ZPBP: variants seen among roughly 807,000 people sequenced by gnomAD.
The protein encoded by ZPBP is zona pellucida-binding protein 1.
In ZPBP, 26 loss-of-function variants were observed where a neutral mutation model predicts 44.8. The observed-to-expected ratio is 0.58, with a 90% CI of 0.43 to 0.81. The LOEUF (loss-of-function observed/expected upper bound fraction) is 0.81. ZPBP is among the 30% of genes least tolerant of loss of function. The pLI is 0.00. For synonymous variants in ZPBP, 174 were observed against 153.2 expected, an observed-to-expected ratio of 1.14 and a Z score of -1.00; for missense variants, 409 against 434.0, an observed-to-expected ratio of 0.94 and a Z score of 0.51.
intron 2 of ZPBP, among the ~76,000 whole-genome samples, chr7:49,855,177 T>A (rs903150251): frequency 2.6e-5 from 4 of 152,232 alleles, no homozygotes; most frequent in African/African-American, 9.6e-5. Context: ...ATTATCATAT[T>A]TCTTAGTTCC....
chr7:49,955,811 C>T (rs571184441), intron 7 of ZPBP, among the ~76,000 whole-genome samples: 1 of 152,030 alleles, frequency 6.6e-6, no homozygotes, highest in Non-Finnish European at 1.5e-5. Flanking sequence ...CACTACAGAT[C>T]CTATGACATT....
At chr7:49,980,082 T>C (rs1796747842) in intron 7 of ZPBP, among the ~76,000 whole-genome samples, 5 of 98,732 alleles carry the variant, frequency 5.1e-5, no homozygotes, top group Non-Finnish European at 9.0e-5. Flanking sequence ...ATATATATAA[T>C]ATAATTTTAT....
At position 50,081,800 on chromosome 7, in the gene ZPBP, T is replaced by A; in HGVS notation, c.308A>T (p.Tyr103Phe). The A allele has an allele frequency of 6.2e-7, 1 of 1,611,460 alleles. No homozygotes were observed. The highest frequency in any genetic ancestry group is 8.5e-7 in the Non-Finnish European group (1 of 1,178,226). ...AELIDPSFQW[Y>F]GPKGKVVSVE... ...TGAAACAACTTTTCCTTTAGGCCCA[T>A]ACCATTGGAATGATGGGTCTATCAG... The change falls in exon 3 of 8, where the codon TAT (tyrosine) becomes TTT (phenylalanine). Residue 103 changes from tyrosine to phenylalanine, a missense_variant. By Grantham distance (22) the Tyr-to-Phe change is conservative. Around this residue, in one of 2 missense-constraint regions of ZPBP, gnomAD observed 367 missense variants for 363.1 expected, o/e 1.01. Transcript: ENST00000046087.
chr7:50,093,088 A>G lies in ZPBP; in HGVS notation c.107T>C (p.Leu36Pro). 6.2e-7 allele frequency: 1 copy of G among 1,600,432 alleles called. No homozygotes were observed. The highest frequency in any genetic ancestry group is 8.5e-7 in the Non-Finnish European group (1 of 1,173,796). Residue 36 changes from leucine to proline, a missense_variant, in exon 1 of 8, where the codon CTG becomes CCG. Coordinates refer to ENST00000046087, the MANE Select transcript of ZPBP (RefSeq NM_007009.3). ...AAILLFISAF[L>P]VRVPSSVGHL... is the part of the protein sequence containing the mutation. ...CTCACCTGATGAGGGCACCCGCACC[A>G]GGAAGGCGGAGATAAAGAGGAGGAT... is the stretch of plus-strand genomic sequence containing the variant.
chr7:50,002,650 C>T (rs1001274677), intron 6 of ZPBP, among the ~76,000 whole-genome samples: 7 of 152,124 alleles, frequency 4.6e-5, no homozygotes, highest in Admixed American at 4.6e-4. Flanking sequence ...CTTCTTAATA[C>T]CACCAGAATA....
intron 2 of ZPBP, among the ~76,000 whole-genome samples, chr7:49,864,005 C>T (rs1790779274): frequency 6.6e-6 from 1 of 151,932 alleles, no homozygotes; most frequent in Non-Finnish European, 1.5e-5. Flanking sequence ...TTGCAAAAAT[C>T]ATATATTGTT....
chr7:49,981,715 A>C (rs1796984240), intron 7 of ZPBP, among the ~76,000 whole-genome samples: 1 of 97,730 alleles, frequency 1.0e-5, no homozygotes, highest in Non-Finnish European at 1.8e-5. Flanking sequence ...AATATATTAT[A>C]TATAATATAA....
chr7:50,051,256 T>C (rs559167574), intron 4 of ZPBP, among the ~76,000 whole-genome samples: 1 of 152,156 alleles, frequency 6.6e-6, no homozygotes, highest in Non-Finnish European at 1.5e-5. Flanking sequence ...CCAGTCAGAA[T>C]GGCAATTATT....
downstream of ZPBP, chr7:49,850,395 C>T (rs1790128758): frequency 6.6e-6 from 1 of 152,248 alleles, no homozygotes; most frequent in South Asian, 2.1e-4. Flanking sequence ...CATAGCTTCA[C>T]ATCCAGTGTA....
At chr7:50,013,624 T>G (rs1798682785) in intron 6 of ZPBP, among the ~76,000 whole-genome samples, 1 of 152,042 alleles carries the variant, frequency 6.6e-6, no homozygotes, top group Non-Finnish European at 1.5e-5. Context: ...ATTACGAATT[T>G]TCCAATATAA....
intron 7 of ZPBP, among the ~76,000 whole-genome samples, chr7:49,966,200 T>TTA (rs1796052188): frequency 6.6e-6 from 1 of 152,030 alleles, no homozygotes; most frequent in African/African-American, 2.4e-5. Context: ...CCTCTTTAAA[T>TTA]AATTGGCAAA....
chr7:49,994,906 A>T (rs962747382), intron 6 of ZPBP, among the ~76,000 whole-genome samples: 5 of 152,034 alleles, frequency 3.3e-5, no homozygotes, highest in African/African-American at 1.2e-4. Context: ...CCAGAGTAAC[A>T]CACCCAAATG....
chr7:49,861,301 T>G (rs1055691777), intron 2 of ZPBP, among the ~76,000 whole-genome samples: 2 of 152,252 alleles, frequency 1.3e-5, no homozygotes, highest in African/African-American at 4.8e-5. Context: ...TGGCCATTAT[T>G]TTTGGAGAAA....
At chr7:50,012,848 C>T (rs938574049) in intron 6 of ZPBP, among the ~76,000 whole-genome samples, 24 of 151,630 alleles carry the variant, frequency 1.6e-4, no homozygotes, top group African/African-American at 5.8e-4. Flanking sequence ...TGAAGTAACA[C>T]TGTCTCTATT....
the ZPBP span, among the ~76,000 whole-genome samples, chr7:49,843,512 C>T: frequency 1.1e-4 from 16 of 152,230 alleles, no homozygotes; most frequent in Middle Eastern, 3.4e-3. Context: ...CACTAATTCA[C>T]GATAATTTGA....
intron 2 of ZPBP, among the ~76,000 whole-genome samples, chr7:49,892,986 A>G (rs942076228): frequency 6.6e-6 from 1 of 152,152 alleles, no homozygotes; most frequent in Admixed American, 6.5e-5. Context: ...CCTGTCCCCA[A>G]TTTATTTGAC....
intron 7 of ZPBP, among the ~76,000 whole-genome samples, chr7:49,948,885 G>A (rs949618925): frequency 6.6e-6 from 1 of 152,096 alleles, no homozygotes; most frequent in Admixed American, 6.5e-5. Flanking sequence ...CAAAAGAATT[G>A]AAAGAAGTGT....
downstream of ZPBP, among the ~76,000 whole-genome samples, chr7:49,932,725 T>G (rs189980624): frequency 3.3e-5 from 5 of 152,230 alleles, no homozygotes; most frequent in East Asian, 9.7e-4. Context: ...GGTGAAACTA[T>G]ATGGTTTAGC....
At chr7:49,913,448 A>C (rs1355691637) in intron 1 of ZPBP, 1 of 152,226 alleles carries the variant, frequency 6.6e-6, no homozygotes, top group African/African-American at 2.4e-5. Context: ...TGGAGTCTTA[A>C]TAGGTGTAGG....
Sources: allele counts gnomAD v4.1 joint callset (sites outside exome capture counted in the v4.1 genomes callset), GRCh38; gene constraint gnomAD v4.1.1; regional missense constraint gnomAD v4.1.1; transcripts MANE v1.5; gene names NCBI Gene and HGNC (gene_info 2026-07-23, HGNC 2026-07-21).